LINC00237: variants seen among roughly 807,000 people sequenced by gnomAD.
The protein encoded by LINC00237 is long independently transcribed non-coding RNA 237.
intron 1 of LINC00237, among the ~76,000 whole-genome samples, chr20:21,100,210 G>C (rs1372313717): frequency 6.6e-6 from 1 of 152,132 alleles, no homozygotes; most frequent in Admixed American, 6.5e-5. Context: ...GCCCGTAGAG[G>C]ATAAAACCCC....
intron 1 of LINC00237, among the ~76,000 whole-genome samples, chr20:21,096,559 C>T (rs532133169): frequency 1.3e-5 from 2 of 152,126 alleles, no homozygotes; most frequent in South Asian, 2.1e-4. Flanking sequence ...CAGGAGTCTC[C>T]GACCCTGGAA....
At chr20:21,105,932 C>T (rs1187682337) in intron 1 of LINC00237, among the ~76,000 whole-genome samples, 1 of 152,148 alleles carries the variant, frequency 6.6e-6, no homozygotes, top group African/African-American at 2.4e-5. Flanking sequence ...GCCCGGCCTG[C>T]GGGGAAACCC....
chr20:21,096,368 A>G (rs1269357245), intron 1 of LINC00237, among the ~76,000 whole-genome samples: 1 of 152,202 alleles, frequency 6.6e-6, no homozygotes, highest in Non-Finnish European at 1.5e-5. Flanking sequence ...CCCAGCCAGC[A>G]AGAAGGAACA....
At chr20:21,096,893 G>A (rs2030865212) in intron 1 of LINC00237, among the ~76,000 whole-genome samples, 1 of 152,162 alleles carries the variant, frequency 6.6e-6, no homozygotes, top group African/African-American at 2.4e-5. Flanking sequence ...AGCCCATGTA[G>A]CCCCGTGGTA....
chr20:21,095,649 T>C (rs948212726), intron 1 of LINC00237, among the ~76,000 whole-genome samples: 1 of 152,190 alleles, frequency 6.6e-6, no homozygotes, highest in Non-Finnish European at 1.5e-5. Flanking sequence ...GATCAATAAA[T>C]CTGGCCCAAA....
intron 1 of LINC00237, among the ~76,000 whole-genome samples, chr20:21,094,702 A>G (rs538910445): frequency 6.6e-6 from 1 of 152,288 alleles, no homozygotes; most frequent in South Asian, 2.1e-4. Context: ...GAAGTGAGCT[A>G]TGATCTCACT....
chr20:21,092,902 G>A (rs1435856606), intron 2 of LINC00237: 2 of 152,082 alleles, frequency 1.3e-5, no homozygotes, highest in African/African-American at 4.8e-5. Flanking sequence ...CACAACAACC[G>A]GGTGACTTAA....
chr20:21,093,540 A>G (rs1233595023), exon 2 of LINC00237: 1 of 152,266 alleles, frequency 6.6e-6, no homozygotes, highest in Non-Finnish European at 1.5e-5. Flanking sequence ...CAAACGGTCC[A>G]ATCACAACAC....
At chr20:21,100,362 G>C (rs2030914557) in intron 1 of LINC00237, among the ~76,000 whole-genome samples, 1 of 152,214 alleles carries the variant, frequency 6.6e-6, no homozygotes, top group African/African-American at 2.4e-5. Flanking sequence ...AGACGGACGC[G>C]GGCCTTGGGA....
chr20:21,090,615 A>T (rs901155086), intron 2 of LINC00237: 2 of 152,134 alleles, frequency 1.3e-5, no homozygotes, highest in Admixed American at 6.6e-5. Context: ...CTGGCTGTTC[A>T]TTTGCCGGCT....
At chr20:21,104,328 A>T (rs535751903) in intron 1 of LINC00237, among the ~76,000 whole-genome samples, 1 of 152,364 alleles carries the variant, frequency 6.6e-6, no homozygotes, top group African/African-American at 2.4e-5. Flanking sequence ...GGCATGCGGG[A>T]ACCAGAGCGT....
intron 1 of LINC00237, among the ~76,000 whole-genome samples, chr20:21,100,601 T>TC (rs1167219015): frequency 1.3e-5 from 2 of 152,144 alleles, no homozygotes; most frequent in African/African-American, 4.8e-5. Context: ...ATTTTTTTTT[T>TC]CTTTTTGTTC....
At chr20:21,094,545 G>C (rs1197472793) in intron 1 of LINC00237, among the ~76,000 whole-genome samples, 1 of 152,208 alleles carries the variant, frequency 6.6e-6, no homozygotes, top group Admixed American at 6.5e-5. Flanking sequence ...GGATAAGAGT[G>C]TGTCTTGGAG....
At chr20:21,091,717 T>C (rs1038037682) in intron 2 of LINC00237, among the ~76,000 whole-genome samples, 1 of 152,232 alleles carries the variant, frequency 6.6e-6, no homozygotes, top group African/African-American at 2.4e-5. Flanking sequence ...GGCTCTTTAA[T>C]GAGTTTTCCG....
chr20:21,093,434 T>C (rs1037735565), intron 2 of LINC00237: 2 of 152,232 alleles, frequency 1.3e-5, no homozygotes, highest in Non-Finnish European at 2.9e-5. Flanking sequence ...CTTCCTTTAG[T>C]GGTTCTACTA....
At chr20:21,103,131 C>A (rs1382627543) in intron 1 of LINC00237, among the ~76,000 whole-genome samples, 1 of 152,282 alleles carries the variant, frequency 6.6e-6, no homozygotes, top group Non-Finnish European at 1.5e-5. Context: ...GGCCTCAGAG[C>A]CCCAAACCGG....
chr20:21,095,402 T>TG (rs1568885677), intron 1 of LINC00237, among the ~76,000 whole-genome samples: 1 of 151,970 alleles, frequency 6.6e-6, no homozygotes. Flanking sequence ...AATGGAATTG[T>TG]GAAAAAAAAT....
chr20:21,091,459 T>C (rs1380074837), intron 2 of LINC00237, among the ~76,000 whole-genome samples: 1 of 152,118 alleles, frequency 6.6e-6, no homozygotes, highest in African/African-American at 2.4e-5. Flanking sequence ...AACCCTCCCA[T>C]CCCTGAAAAG....
chr20:21,086,962 A>G (rs980624874), intron 3 of LINC00237, among the ~76,000 whole-genome samples: 3 of 138,602 alleles, frequency 2.2e-5, no homozygotes, highest in Admixed American at 7.4e-5. Flanking sequence ...GTACTATAGT[A>G]TATATATACA....
Sources: gnomAD v4.1 joint callset for allele counts (sites outside exome capture counted in the v4.1 genomes callset) on GRCh38, gnomAD v4.1.1 for gene constraint, MANE v1.5 for transcripts, NCBI Gene and HGNC (gene_info 2026-07-23, HGNC 2026-07-21) for gene names.